PCNT: variants seen among roughly 807,000 people sequenced by gnomAD.
PCNT encodes pericentrin.
PCNT carries 319 observed loss-of-function variants against 380.4 expected under a neutral mutation model. The ratio of observed to expected loss-of-function variants is 0.84; its 90% CI spans 0.77 to 0.92. The LOEUF (loss-of-function observed/expected upper bound fraction) is 0.92. Ranked by LOEUF, PCNT falls within the 40% of genes least tolerant of loss-of-function variation. The pLI is 0.00. For missense variants in PCNT, 4,400 were observed against 4,255.3 expected (o/e 1.03, Z -0.95); for synonymous variants, 1,845 against 1,735.2 (o/e 1.06, Z -1.57).
rs866802393 is a variant in PCNT, at chr21:46,422,002, C to A, written c.7057C>A (p.Pro2353Thr). 1.2e-6 allele frequency: 2 copies of A among 1,614,104 alleles called. No homozygotes were observed. Among genetic ancestry groups the A allele is most frequent in the African/African-American group, 1.3e-5 (1 of 75,038 alleles). The change falls in exon 32 of 47, where the codon CCG (proline) becomes ACG (threonine). Residue 2353 changes from proline (P) to threonine (T), a missense_variant. By Grantham distance (38) the Pro-to-Thr change is conservative (BLOSUM62 -1). Coordinates refer to ENST00000359568, the MANE Select transcript of PCNT (RefSeq NM_006031.6). ...DGSGFGARLS[P>T]GSGGPEAQTA... is the part of the protein sequence containing the mutation. ...CTCGGGTTTTGGAGCAAGACTGAGCCCGGGGTCAGGAGGCCCTGAGGCTCA... is the reference window on the plus strand; with the variant it reads ...CTCGGGTTTTGGAGCAAGACTGAGCACGGGGTCAGGAGGCCCTGAGGCTCA...
At chr21:46,348,330 G>A (rs1206034375) in intron 6 of PCNT, 1 of 166,158 alleles carries the variant, frequency 6.0e-6, no homozygotes, top group Non-Finnish European at 1.3e-5. Context: ...TTCAGGGTAG[G>A]TGGTCCTCTC....
chr21:46,444,020 A>G (rs141619728), intron 45 of PCNT, 72 bp downstream of exon 45: 673 of 1,510,458 alleles, frequency 4.5e-4, no homozygotes, highest in Non-Finnish European at 5.5e-4. Flanking sequence ...CCTCAGAGAA[A>G]TGCATTTTTA....
chr21:46,387,386 C>T (rs2085874965), intron 17 of PCNT, among the ~76,000 whole-genome samples: 1 of 152,078 alleles, frequency 6.6e-6, no homozygotes, highest in South Asian at 2.1e-4. Flanking sequence ...AACCGAGGGG[C>T]ACAGCGGCCA....
At position 46,381,779 on chromosome 21, in the gene PCNT, A is replaced by T. The variant is rs1337655533; in HGVS notation, c.3251A>T (p.His1084Leu). Residue 1084 changes from histidine to leucine, a missense_variant, in exon 16 of 47, where the codon CAC (histidine) becomes CTC (leucine). Coordinates refer to ENST00000359568, the MANE Select transcript of PCNT (RefSeq NM_006031.6). ...RLQSAQAQPF[H>L]QEEKESLSLQ... ...CAGAGTGCACAGGCACAGCCTTTTC[A>T]CCAAGAGGAGAAAGAGTCTTTGTCT... is the stretch of plus-strand genomic sequence containing the variant. 6.2e-7 allele frequency: 1 copy of T among 1,614,140 alleles called. No homozygotes were observed. The highest frequency in any genetic ancestry group is 8.5e-7 in the Non-Finnish European group (1 of 1,179,928).
intron 18 of PCNT, 54 bp from the exon 19 acceptor site, chr21:46,389,145 C>T: frequency 6.4e-7 from 1 of 1,550,578 alleles, no homozygotes; most frequent in Non-Finnish European, 8.9e-7. Context: ...GCTGCCATGG[C>T]CGCGGCCGGC....
In PCNT at chr21:46,385,890, A is replaced by T; in HGVS notation, c.3371A>T (p.Glu1124Val). Residue 1124 changes from glutamate to valine, a missense_variant, in exon 17 of 47, where the codon GAG becomes GTG. Physicochemically the swap from Glu to Val is moderately radical, Grantham distance 121 (BLOSUM62 -2). Coordinates refer to ENST00000359568, the MANE Select transcript of PCNT (RefSeq NM_006031.6). ...HEIEECRSEL[E>V]VLQQRREREN... ...ATAGAAGAGTGCCGCTCCGAGTTGG[A>T]GGTGCTGCAGCAGAGGCGGGAGCGG... 1 of 1,614,194 alleles carries T rather than the reference A, an allele frequency of 6.2e-7. No homozygotes were observed. Among genetic ancestry groups the T allele is most frequent in the East Asian group, 2.2e-5 (1 of 44,878 alleles).
At chr21:46,329,155 G>C (rs767629765) in intron 2 of PCNT, among the ~76,000 whole-genome samples, 2 of 152,226 alleles carry the variant, frequency 1.3e-5, no homozygotes, top group Admixed American at 6.5e-5. Flanking sequence ...TCCAAACTTA[G>C]CACATTTTGT....
intron 15 of PCNT, among the ~76,000 whole-genome samples, chr21:46,373,749 T>TTGGG (rs374962143): frequency 2.5e-5 from 2 of 81,232 alleles, no homozygotes; most frequent in African/African-American, 1.4e-4. Flanking sequence ...TTTTTTTTTT[T>TTGGG]GGGCGGAGTC....
intron 13 of PCNT, 129 bp downstream of exon 13, chr21:46,357,320 A>G: frequency 1.3e-6 from 1 of 750,096 alleles, no homozygotes; most frequent in Non-Finnish European, 2.4e-6. Context: ...GCACATTTGT[A>G]AGGGCGACAG....
chr21:46,419,692 C>A (rs1191674414), intron 31 of PCNT, among the ~76,000 whole-genome samples: 1 of 152,200 alleles, frequency 6.6e-6, no homozygotes, highest in Non-Finnish European at 1.5e-5. Flanking sequence ...ACAGCAGGTG[C>A]TTCCCCAACA....
At position 46,346,075 on chromosome 21, in the gene PCNT, C is replaced by T. The variant is rs560040125; in HGVS notation, c.640-53C>T. On this transcript the variant is annotated intron_variant, in intron 3 of 46. Transcript: ENST00000359568. ...GCGTCGTCAGTTCTTGAGCACATCA[C>T]TGTGGCTTCTCATGTGAATTCTGGA... The T allele has an allele frequency of 1.9e-4, 292 of 1,538,662 alleles. 5 individuals are homozygous for T. In the Middle Eastern group the frequency reaches 6.2e-3, roughly 33 times the overall value.
In PCNT at chr21:46,411,059, A is replaced by G. The variant is rs192062587; in HGVS notation, c.5116-130A>G. The G allele has an allele frequency of 8.4e-4, 828 of 987,912 alleles. 8 individuals are homozygous for G. The highest frequency in any genetic ancestry group is 6.0e-3 in the Middle Eastern group (21 of 3,480). The allele number at this position is 987,912 out of a possible 1,614,324, so 61.2% of individuals were successfully genotyped here. On this transcript the variant is annotated intron_variant, in intron 27 of 46. Coordinates refer to ENST00000359568, the MANE Select transcript of PCNT (RefSeq NM_006031.6). ...CATCCGGCACCAGCAGTTTGCTTCTATGGCTGCTTTGTTTTTCACGCTATG... is the reference window on the plus strand; with the variant it reads ...CATCCGGCACCAGCAGTTTGCTTCTGTGGCTGCTTTGTTTTTCACGCTATG...
In PCNT at chr21:46,412,084, G is replaced by A. The variant is rs570628453; in HGVS notation, c.5994+17G>A. On this transcript the variant is annotated intron_variant, in intron 28 of 46. Transcript: ENST00000359568. ...GACCCACAGGTGGGCTCCCCCCGCG[G>A]GCCATGGCAGGGTATTTTTTTTTAC... The A allele has an allele frequency of 1.8e-5, 29 of 1,601,964 alleles. No individual in the cohort carries two copies. The Admixed American group carries it at 4.9e-4, about 27-fold the overall frequency.
At chr21:46,433,103 C>T (rs951226921) in intron 38 of PCNT, among the ~76,000 whole-genome samples, 1 of 152,106 alleles carries the variant, frequency 6.6e-6, no homozygotes, top group Non-Finnish European at 1.5e-5. Context: ...GAGAGCAGGC[C>T]GGGCACGGTG....
intron 15 of PCNT, among the ~76,000 whole-genome samples, chr21:46,367,910 C>T (rs910334769): frequency 1.3e-5 from 2 of 152,214 alleles, no homozygotes; most frequent in Admixed American, 6.5e-5. Context: ...CAATGGCTCA[C>T]GTCTGTAATC....
At chr21:46,398,617 C>G (rs568487231) in intron 24 of PCNT, among the ~76,000 whole-genome samples, 1 of 152,258 alleles carries the variant, frequency 6.6e-6, no homozygotes, top group East Asian at 1.9e-4. Context: ...GCCATGCCGC[C>G]GTCCTTTCTC....
intron 38 of PCNT, among the ~76,000 whole-genome samples, chr21:46,434,610 G>C (rs867145420): frequency 1.3e-5 from 2 of 152,186 alleles, no homozygotes; most frequent in Non-Finnish European, 2.9e-5. Flanking sequence ...GGTGGGAGTC[G>C]GGCCCTGGGC....
intron 14 of PCNT, among the ~76,000 whole-genome samples, chr21:46,365,910 A>C (rs371273409): frequency 8.5e-6 from 1 of 116,976 alleles, no homozygotes; most frequent in Non-Finnish European, 1.7e-5. Context: ...GTTCACTGCC[A>C]TGGGGTTCTA....
intron 15 of PCNT, among the ~76,000 whole-genome samples, chr21:46,369,943 C>T (rs1013802783): frequency 6.6e-6 from 1 of 152,214 alleles, no homozygotes; most frequent in African/African-American, 2.4e-5. Flanking sequence ...GCAGGCGGAG[C>T]TGGAGGAGCC....
Sources: gnomAD v4.1 joint callset for allele counts (sites outside exome capture counted in the v4.1 genomes callset) on GRCh38, gnomAD v4.1.1 for gene constraint, MANE v1.5 for transcripts, NCBI Gene and HGNC (gene_info 2026-07-23, HGNC 2026-07-21) for gene names.